Variants in SCFD2 observed in about 807,000 individuals in gnomAD.
The protein encoded by SCFD2 is sec1 family domain-containing protein 2.
A neutral mutation model predicts 58.9 loss-of-function variants in SCFD2; 54 were observed. The observed-to-expected ratio is 0.92, with a 90% CI of 0.74 to 1.15. The LOEUF (loss-of-function observed/expected upper bound fraction) is 1.15, where lower values mean the gene tolerates loss of function less well. SCFD2 is among the 50% of genes most tolerant of loss of function. The probability of loss-of-function intolerance (pLI) is 0.00; values close to 1 mark genes in which losing one functional copy is unlikely to be tolerated. For synonymous variants in SCFD2, 321 were observed against 335.9 expected (o/e 0.96, Z 0.49); for missense variants, 805 against 836.6 (o/e 0.96, Z 0.47).
chr4:53,182,173 A>G (rs1367091619), intron 4 of SCFD2, among the ~76,000 whole-genome samples: 1 of 152,178 alleles, frequency 6.6e-6, no homozygotes, highest in Non-Finnish European at 1.5e-5. Context: ...ATATGGAACC[A>G]AAAAAGAGCC....
At chr4:53,174,637 A>G (rs1296141895) in intron 4 of SCFD2, among the ~76,000 whole-genome samples, 4 of 152,206 alleles carry the variant, frequency 2.6e-5, no homozygotes, top group Non-Finnish European at 4.4e-5. Context: ...AACCACTTCA[A>G]TAAAATGATT....
At position 52,956,754 on chromosome 4, in the gene SCFD2, G is replaced by A. The variant is rs1194729920; in HGVS notation, c.1562-35884C>T. On this transcript the variant is annotated intron_variant, in intron 5 of 8. Coordinates refer to ENST00000401642, the MANE Select transcript of SCFD2 (RefSeq NM_152540.4). ...TTCCCATTAACATCAAGTGGAGGAA[G>A]AGGAAGAGTAGCTGCCCATGAAGGA... 3 of 154,850 alleles carry A rather than the reference G, an allele frequency of 1.9e-5. No individual in the cohort carries two copies. In the East Asian group the frequency reaches 5.7e-4, roughly 30 times the overall value. 9.6% of individuals were successfully genotyped at this position (154,850 alleles called of 1,614,324 possible).
At chr4:53,203,271 T>A (rs1474239486) in intron 4 of SCFD2, among the ~76,000 whole-genome samples, 1 of 152,184 alleles carries the variant, frequency 6.6e-6, no homozygotes, top group Non-Finnish European at 1.5e-5. Context: ...CTTTTCTGCA[T>A]CTATTGAGAT....
intron 5 of SCFD2, among the ~76,000 whole-genome samples, chr4:53,021,993 G>C (rs1010049647): frequency 3.3e-5 from 5 of 152,158 alleles, no homozygotes. Flanking sequence ...TGAAAAATGA[G>C]GAGGGGGTCA....
At chr4:53,363,895 G>A (rs1274052455) in intron 1 of SCFD2, among the ~76,000 whole-genome samples, 1 of 151,820 alleles carries the variant, frequency 6.6e-6, no homozygotes. Context: ...CTGGACAGTG[G>A]GATATTAAGT....
At chr4:53,084,201 G>A (rs754527901) in intron 5 of SCFD2, among the ~76,000 whole-genome samples, 13 of 152,056 alleles carry the variant, frequency 8.5e-5, no homozygotes, top group Non-Finnish European at 1.6e-4. Flanking sequence ...CAGAGTGGCC[G>A]TTTATGGACC....
At chr4:53,285,986 T>G (rs1270737788) in intron 3 of SCFD2, among the ~76,000 whole-genome samples, 1 of 152,078 alleles carries the variant, frequency 6.6e-6, no homozygotes, top group Non-Finnish European at 1.5e-5. Context: ...AGCACCATCT[T>G]GAAACTAGAG....
intron 4 of SCFD2, among the ~76,000 whole-genome samples, chr4:53,149,200 A>T (rs994265242): frequency 2.0e-5 from 3 of 152,200 alleles, no homozygotes; most frequent in Non-Finnish European, 4.4e-5. Context: ...ATCATTCTCC[A>T]ATAAAAGGAA....
chr4:53,128,415 G>A (rs1241960992), intron 5 of SCFD2, among the ~76,000 whole-genome samples: 1 of 152,086 alleles, frequency 6.6e-6, no homozygotes, highest in African/African-American at 2.4e-5. Flanking sequence ...TAAAATTAAA[G>A]GCATGTACTC....
chr4:53,214,536 T>C (rs1032123082), intron 4 of SCFD2, among the ~76,000 whole-genome samples: 5 of 152,250 alleles, frequency 3.3e-5, no homozygotes, highest in Non-Finnish European at 7.3e-5. Context: ...GAGTTCATTG[T>C]AGATTCTGGA....
At chr4:53,182,247 A>G (rs1727587551) in intron 4 of SCFD2, among the ~76,000 whole-genome samples, 1 of 152,250 alleles carries the variant, frequency 6.6e-6, no homozygotes, top group Non-Finnish European at 1.5e-5. Flanking sequence ...ACCTGACTTC[A>G]AACTATACTA....
intron 5 of SCFD2, among the ~76,000 whole-genome samples, chr4:52,966,626 G>A (rs1720968297): frequency 6.6e-6 from 1 of 151,934 alleles, no homozygotes; most frequent in East Asian, 1.9e-4. Flanking sequence ...TCATTTGTTT[G>A]GTAGGACAGT....
In SCFD2 at chr4:52,873,966, T is replaced by C. The variant is rs573038664; in HGVS notation, c.*3A>G. ...GAGTAGGTCTTATCTTCTTAGCGGA[T>C]GCTCAGAAGCCAAGGTCTGGATGCA... On this transcript the variant is annotated 3_prime_UTR_variant, in exon 9 of 9. Transcript: ENST00000401642. The C allele has an allele frequency of 1.1e-5, 18 of 1,607,772 alleles. No homozygotes were observed. In the East Asian group the frequency reaches 4.0e-4, roughly 36 times the overall value.
rs868645393 is a variant in SCFD2 at position 53,036,630 on chromosome 4, G to A, written c.1561+108703C>T. Among the ~76,000 whole-genome samples, 31 of 151,940 alleles carry A rather than the reference G, an allele frequency of 2.0e-4. 1 individual carries two copies. The highest frequency in any genetic ancestry group is 2.6e-4 in the Admixed American group (4 of 15,266). On this transcript the variant is annotated intron_variant, in intron 5 of 8. Transcript: ENST00000401642. ...ATACCACATGTTCTCACGCAAAAGT[G>A]GGAGTTGAACAATGAGAAAATATGG...
chr4:53,282,587 T>G (rs1731539378), intron 3 of SCFD2, among the ~76,000 whole-genome samples: 1 of 152,100 alleles, frequency 6.6e-6, no homozygotes, highest in African/African-American at 2.4e-5. Flanking sequence ...TGGTATAATT[T>G]CAAAACATTT....
At position 53,246,219 on chromosome 4, in the gene SCFD2, T is replaced by G. The variant is rs573289323; in HGVS notation, c.1311+27607A>C. Among the ~76,000 whole-genome samples the G allele has an allele frequency of 2.6e-5, 4 of 152,202 alleles. No homozygotes were observed. In the East Asian group the frequency reaches 7.7e-4, roughly 29 times the overall value. On this transcript the variant is annotated intron_variant, in intron 4 of 8. Transcript: ENST00000401642. ...GATGGCACTACAAAATAAAAAAAAT[T>G]TCATGCTCATGGATAGGAAGAATCA...
intron 4 of SCFD2, among the ~76,000 whole-genome samples, chr4:53,215,470 G>A (rs1169709712): frequency 1.3e-5 from 2 of 152,120 alleles, no homozygotes; most frequent in Admixed American, 1.3e-4. Context: ...GTATAAGAAT[G>A]CTTGTGATTT....
chr4:52,987,886 C>T (rs1052624180), intron 5 of SCFD2, among the ~76,000 whole-genome samples: 3 of 152,140 alleles, frequency 2.0e-5, no homozygotes, highest in South Asian at 4.1e-4. Flanking sequence ...GTGTCATTTC[C>T]CCCATGTGGA....
intron 5 of SCFD2, among the ~76,000 whole-genome samples, chr4:53,121,061 G>A (rs925487695): frequency 3.3e-5 from 5 of 152,198 alleles, no homozygotes; most frequent in African/African-American, 1.2e-4. Flanking sequence ...GGCCTCTAAG[G>A]ACATTTATAA....
Sources: allele counts gnomAD v4.1 joint callset (sites outside exome capture counted in the v4.1 genomes callset), GRCh38; gene constraint gnomAD v4.1.1; transcripts MANE v1.5; gene names NCBI Gene and HGNC (gene_info 2026-07-23, HGNC 2026-07-21).